Variants in NUP210L observed in about 807,000 individuals in gnomAD.
The protein encoded by NUP210L is nucleoporin 210 like.
Under a neutral mutation model 208.5 loss-of-function variants are expected in NUP210L, and 74 were observed. The ratio of observed to expected loss-of-function variants is 0.35; its 90% CI spans 0.29 to 0.43. The LOEUF is 0.43. NUP210L is among the 20% of genes least tolerant of loss of function. The pLI, the probability that NUP210L is intolerant of heterozygous loss-of-function variation, is 1.00. For synonymous variants in NUP210L, 780 were observed against 816.9 expected (o/e 0.95, Z 0.77); for missense variants, 1,843 against 2,289.4 (o/e 0.81, Z 3.98).
At chr1:154,137,156 C>A (rs1658591602) in intron 6 of NUP210L, among the ~76,000 whole-genome samples, 1 of 152,040 alleles carries the variant, frequency 6.6e-6, no homozygotes, top group Non-Finnish European at 1.5e-5. Flanking sequence ...CAGTAGCTCA[C>A]ACCTATAATC....
intron 32 of NUP210L, 35 bp from the exon 33 acceptor site, chr1:154,019,104 C>T: frequency 6.2e-7 from 1 of 1,610,490 alleles, no homozygotes; most frequent in Non-Finnish European, 8.5e-7. Flanking sequence ...TTGGCTGAAG[C>T]CTTTGATATA....
At chr1:154,097,384 T>G (rs1302184824) in intron 14 of NUP210L, among the ~76,000 whole-genome samples, 3 of 152,180 alleles carry the variant, frequency 2.0e-5, no homozygotes, top group Non-Finnish European at 2.9e-5. Flanking sequence ...CATCACTTCC[T>G]TTCCTTTAAG....
intron 27 of NUP210L, among the ~76,000 whole-genome samples, chr1:154,032,682 C>G (rs1255184537): frequency 6.6e-6 from 1 of 152,080 alleles, no homozygotes; most frequent in African/African-American, 2.4e-5. Flanking sequence ...CTTTGGGAGG[C>G]CGAGGCAGGT....
At position 154,056,957 on chromosome 1, in the gene NUP210L, C is replaced by A. The variant is rs777776389; in HGVS notation, c.3108-10G>T. The stretch of plus-strand genomic sequence containing the variant: ...CTGTTGCTCCATTGGTCTGCAAAAA[C>A]CCATGTATTTTCAGGTGAGAAAGAT... On this transcript the variant is annotated splice_polypyrimidine_tract_variant and intron_variant, in intron 22 of 39. Coordinates refer to ENST00000368559, the Ensembl canonical transcript of NUP210L. The A allele has an allele frequency of 2.5e-6, 4 of 1,606,240 alleles. No individual in the cohort carries two copies. Among genetic ancestry groups the A allele is most frequent in the Non-Finnish European group, 3.4e-6 (4 of 1,177,560 alleles).
intron 14 of NUP210L, among the ~76,000 whole-genome samples, chr1:154,098,726 G>T (rs2148059506): frequency 6.6e-6 from 1 of 152,258 alleles, no homozygotes; most frequent in East Asian, 1.9e-4. Context: ...TCTGGAAAAG[G>T]CATCACAAGT....
At chr1:154,023,209 A>G (rs1278131028) in exon 31 of NUP210L, 17 of 1,614,070 alleles carry the variant, frequency 1.1e-5, no homozygotes, top group Non-Finnish European at 1.4e-5. Context: ...GGTAAGAGAC[A>G]TGCCCAAGGG....
intron 1 of NUP210L, among the ~76,000 whole-genome samples, chr1:154,154,544 CAT>C (rs1188649306): frequency 2.0e-5 from 3 of 152,154 alleles, no homozygotes; most frequent in Non-Finnish European, 2.9e-5. Flanking sequence ...GACGGCTGCT[CAT>C]AGTGACCACC....
chr1:154,072,660 T>A (rs1258237519), intron 16 of NUP210L, among the ~76,000 whole-genome samples: 1 of 152,102 alleles, frequency 6.6e-6, no homozygotes, highest in Non-Finnish European at 1.5e-5. Context: ...AACAAAAGCA[T>A]AATGTGGGGA....
intron 13 of NUP210L, among the ~76,000 whole-genome samples, chr1:154,103,365 G>A (rs1025030454): frequency 6.7e-6 from 1 of 148,676 alleles, no homozygotes; most frequent in Admixed American, 6.7e-5. Flanking sequence ...CTGCACTCCA[G>A]CCTGGGCAAC....
intron 32 of NUP210L, among the ~76,000 whole-genome samples, 197 bp downstream of exon 32, chr1:154,021,929 T>A (rs1416310581): frequency 6.6e-6 from 1 of 152,108 alleles, no homozygotes; most frequent in Non-Finnish European, 1.5e-5. Flanking sequence ...TGGAAAAAAA[T>A]ATTCTAGGGG....
chr1:154,097,466 T>C (rs1656232751), intron 14 of NUP210L, among the ~76,000 whole-genome samples: 1 of 152,112 alleles, frequency 6.6e-6, no homozygotes, highest in Non-Finnish European at 1.5e-5. Context: ...AGGACAATGA[T>C]AAAAGTAAGA....
chr1:154,095,832 T>C (rs1656151305), intron 14 of NUP210L, among the ~76,000 whole-genome samples: 1 of 152,194 alleles, frequency 6.6e-6, no homozygotes, highest in South Asian at 2.1e-4. Context: ...TATTACTCAA[T>C]TCAGTATAGA....
chr1:154,072,082 A>G (rs1654766270), intron 16 of NUP210L, among the ~76,000 whole-genome samples: 3 of 152,012 alleles, frequency 2.0e-5, no homozygotes, highest in African/African-American at 7.2e-5. Flanking sequence ...GTGTGCTGCT[A>G]TAAACATGTG....
Position 154,054,640 on chromosome 1 carries a change from C to A in NUP210L, c.3303+130G>T. The stretch of plus-strand genomic sequence containing the variant: ...GGTCAGGGAAAATACTAATCTTGTT[C>A]TTTATCAGATCCACTAGTACTTGGG... On this transcript the variant is annotated intron_variant, in intron 24 of 39. Coordinates refer to ENST00000368559, the Ensembl canonical transcript of NUP210L. 4 of 784,918 alleles carry A rather than the reference C, an allele frequency of 5.1e-6. No homozygotes were observed. In the South Asian group the frequency reaches 5.1e-5, roughly 10 times the overall value. The allele number at this position is 784,918 out of a possible 1,614,324, so 48.6% of individuals were successfully genotyped here. A position where few individuals can be genotyped will look rare whatever the true frequency, so the allele number is the denominator to read the frequency against.
chr1:154,138,848 G>T (rs1176648271), intron 5 of NUP210L, among the ~76,000 whole-genome samples: 7 of 152,158 alleles, frequency 4.6e-5, no homozygotes, highest in African/African-American at 1.7e-4. Context: ...GTCAAAAAAA[G>T]TTAAAGGCAA....
intron 27 of NUP210L, among the ~76,000 whole-genome samples, chr1:154,041,666 GA>G (rs745441733): frequency 4.0e-5 from 6 of 149,936 alleles, no homozygotes; most frequent in East Asian, 1.9e-4. Context: ...GAAAAGAAAA[GA>G]AAAAAAAACT....
At chr1:154,097,532 G>A (rs1249669694) in intron 14 of NUP210L, among the ~76,000 whole-genome samples, 1 of 152,102 alleles carries the variant, frequency 6.6e-6, no homozygotes, top group Non-Finnish European at 1.5e-5. Flanking sequence ...ATTTAATTAG[G>A]CAAGAAGGAG....
At chr1:154,133,761 A>G (rs1658374714) in intron 7 of NUP210L, among the ~76,000 whole-genome samples, 3 of 152,000 alleles carry the variant, frequency 2.0e-5, no homozygotes, top group Non-Finnish European at 4.4e-5. Context: ...GGATCACTTG[A>G]GCCTGGAGTT....
chr1:154,086,218 A>G (rs1655613229), intron 16 of NUP210L, among the ~76,000 whole-genome samples: 1 of 151,790 alleles, frequency 6.6e-6, no homozygotes, highest in South Asian at 2.1e-4. Flanking sequence ...TCTCAAAAAA[A>G]AAAAAGAAAG....
Sources: allele counts gnomAD v4.1 joint callset (sites outside exome capture counted in the v4.1 genomes callset), GRCh38; gene constraint gnomAD v4.1.1; transcripts MANE v1.5; gene names NCBI Gene and HGNC (gene_info 2026-07-23, HGNC 2026-07-21).